Variants in TRIP4 observed in about 807,000 individuals in gnomAD.
TRIP4 encodes the protein activating signal cointegrator 1.
Under a neutral mutation model 81.8 loss-of-function variants are expected in TRIP4, and 54 were observed. That is an observed-to-expected ratio of 0.66 (90% confidence interval 0.53 to 0.83). The LOEUF is 0.83. Among genes scored for constraint, TRIP4 ranks in the 40% least tolerant of loss-of-function variants. TRIP4 has a pLI of 0.00. For missense variants in TRIP4, 662 were observed against 683.6 expected (o/e 0.97, Z 0.35); for synonymous variants, 270 against 242.8 (o/e 1.11, Z -1.04).
intron 12 of TRIP4, 30 bp downstream of exon 12, chr15:64,445,138 A>C: frequency 8.4e-7 from 1 of 1,195,494 alleles, no homozygotes; most frequent in East Asian, 2.3e-5. Flanking sequence ...CTTTAAGACT[A>C]GTCAAGTGCA....
chr15:64,396,442 C>G (rs1900298267), intron 3 of TRIP4, among the ~76,000 whole-genome samples: 1 of 151,800 alleles, frequency 6.6e-6, no homozygotes, highest in Non-Finnish European at 1.5e-5. Flanking sequence ...CCACACCCAG[C>G]TAATTTTTGT....
At chr15:64,426,469 G>C (rs1403345762) in intron 11 of TRIP4, among the ~76,000 whole-genome samples, 1 of 152,280 alleles carries the variant, frequency 6.6e-6, no homozygotes, top group African/African-American at 2.4e-5. Flanking sequence ...GGAAGCCAAA[G>C]CGGGTGGATC....
At chr15:64,404,164 T>A (rs1348964486) in intron 5 of TRIP4, among the ~76,000 whole-genome samples, 3 of 151,746 alleles carry the variant, frequency 2.0e-5, no homozygotes, top group Non-Finnish European at 4.4e-5. Context: ...CACTCCAGCC[T>A]GGGCAACGAG....
chr15:64,439,180 G>T (rs1892464461), intron 11 of TRIP4, among the ~76,000 whole-genome samples: 1 of 152,188 alleles, frequency 6.6e-6, no homozygotes, highest in Admixed American at 6.5e-5. Context: ...GCCTGGGGTG[G>T]TAGTTATCCT....
chr15:64,445,705 G>A (rs1185583012), intron 12 of TRIP4, among the ~76,000 whole-genome samples: 2 of 148,686 alleles, frequency 1.3e-5, no homozygotes, highest in African/African-American at 2.5e-5. Context: ...ATTGTGTTCT[G>A]TGTGTCCCTA....
chr15:64,402,772 C>A (rs1275297069), intron 5 of TRIP4, among the ~76,000 whole-genome samples: 1 of 152,116 alleles, frequency 6.6e-6, no homozygotes, highest in Non-Finnish European at 1.5e-5. Flanking sequence ...ATGATCTGCC[C>A]ACCTCAACCT....
At chr15:64,444,963 C>T (rs1892590895) in intron 11 of TRIP4, 43 bp from the exon 12 acceptor site, 1 of 1,071,292 alleles carries the variant, frequency 9.3e-7, no homozygotes, top group Non-Finnish European at 1.4e-6. Flanking sequence ...AAATTCAAAG[C>T]TTGTCCCAAC....
rs140334231 is a variant in TRIP4, at chr15:64,395,520, G to A, written c.394G>A (p.Asp132Asn). 1.7e-5 allele frequency: 28 copies of A among 1,610,186 alleles called. No individual in the cohort carries two copies. The highest frequency in any genetic ancestry group is 2.4e-5 in the Non-Finnish European group (28 of 1,177,950). ...DTTAEVKTPF[D>N]LAKAQENSNS... ...GACTGCAGAGGTTAAAACACCTTTT[G>A]ATTTGGCCAAGGTGAGTGCTTATAG... The change falls in exon 3 of 13, where the codon GAT becomes AAT. Residue 132 changes from aspartate to asparagine, a missense_variant. Physicochemically the swap from Asp to Asn is conservative, Grantham distance 23. Coordinates refer to ENST00000261884, the MANE Select transcript of TRIP4 (RefSeq NM_016213.5).
At chr15:64,397,112 CA>C (rs1167421779) in intron 3 of TRIP4, among the ~76,000 whole-genome samples, 1 of 152,076 alleles carries the variant, frequency 6.6e-6, no homozygotes, top group Non-Finnish European at 1.5e-5. Context: ...CTCTGTTGCC[CA>C]GTGGCGTCAA....
At chr15:64,427,798 A>C (rs1413793348) in intron 11 of TRIP4, among the ~76,000 whole-genome samples, 1 of 152,102 alleles carries the variant, frequency 6.6e-6, no homozygotes, top group Non-Finnish European at 1.5e-5. Flanking sequence ...TTTTGGTGTG[A>C]ATTTTGAGTT....
intron 1 of TRIP4, among the ~76,000 whole-genome samples, chr15:64,392,153 C>T (rs946720880): frequency 6.6e-6 from 1 of 151,216 alleles, no homozygotes; most frequent in Admixed American, 6.6e-5. Flanking sequence ...CAAAAATTAG[C>T]CGGGTGTGGT....
At chr15:64,422,449 A>C (rs747711668) in intron 9 of TRIP4, among the ~76,000 whole-genome samples, 47 of 152,152 alleles carry the variant, frequency 3.1e-4, no homozygotes, top group Non-Finnish European at 5.9e-4. Flanking sequence ...GGTGCACTAC[A>C]CCTTTTCTCC....
In TRIP4 at chr15:64,449,291, T is replaced by G. The variant is rs188423693; in HGVS notation, c.1678+4183T>G. On this transcript the variant is annotated intron_variant, in intron 12 of 12. Coordinates refer to ENST00000261884, the MANE Select transcript of TRIP4 (RefSeq NM_016213.5). The stretch of plus-strand genomic sequence containing the variant: ...TGTTTGTTTTTTTTGTTTGTTTTTG[T>G]TTTTTTTTTTTGTGGGATGTCTTAG... Among the ~76,000 whole-genome samples the G allele has an allele frequency of 6.6e-3, 914 of 137,774 alleles. 10 individuals are homozygous for G. Among genetic ancestry groups the G allele is most frequent in the African/African-American group, 0.021 (770 of 37,240 alleles). 90.4% of individuals were successfully genotyped at this position (137,774 alleles called of 152,430 possible). A position where few individuals can be genotyped will look rare whatever the true frequency, so the allele number is the denominator to read the frequency against.
Position 64,440,990 on chromosome 15 carries a change from A to T in TRIP4, c.1576-4016A>T, listed in dbSNP as rs914017725. 4.8e-5 allele frequency among the ~76,000 whole-genome samples: 7 copies of T among 144,872 alleles called. No individual in the cohort carries two copies. In the East Asian group the frequency reaches 1.2e-3, roughly 25 times the overall value. On this transcript the variant is annotated intron_variant, in intron 11 of 12. Transcript: ENST00000261884. ...CGTTAATGCACAAGTTGGTAAATTC[A>T]TTTTTTTTTTTTTTATTTTTGAGAC...
intron 11 of TRIP4, among the ~76,000 whole-genome samples, chr15:64,436,020 C>A (rs1436286577): frequency 1.3e-5 from 2 of 151,902 alleles, no homozygotes; most frequent in African/African-American, 2.4e-5. Context: ...TCAGGCTGGG[C>A]GGGGTGGCTC....
intron 12 of TRIP4, among the ~76,000 whole-genome samples, chr15:64,452,003 T>C (rs556403727): frequency 1.5e-4 from 23 of 149,356 alleles, no homozygotes; most frequent in African/African-American, 5.2e-4. Flanking sequence ...CTGTTGCCCA[T>C]GCTGGAGTGC....
intron 3 of TRIP4, among the ~76,000 whole-genome samples, chr15:64,395,860 T>C: frequency 6.6e-6 from 1 of 151,138 alleles, no homozygotes; most frequent in African/African-American, 2.4e-5. Context: ...CCTGCATCAG[T>C]CTCCCGAATA....
At chr15:64,437,549 C>T (rs1167589806) in intron 11 of TRIP4, among the ~76,000 whole-genome samples, 1 of 150,566 alleles carries the variant, frequency 6.6e-6, no homozygotes, top group African/African-American at 2.4e-5. Flanking sequence ...CTAGGGTGCA[C>T]TGGTGCGATC....
At chr15:64,448,956 T>C (rs1892691761) in intron 12 of TRIP4, among the ~76,000 whole-genome samples, 1 of 152,006 alleles carries the variant, frequency 6.6e-6, no homozygotes, top group African/African-American at 2.4e-5. Context: ...ATGTCTATAA[T>C]CCCAGCACTT....
Sources: allele counts gnomAD v4.1 joint callset (sites outside exome capture counted in the v4.1 genomes callset), GRCh38; gene constraint gnomAD v4.1.1; transcripts MANE v1.5; gene names NCBI Gene and HGNC (gene_info 2026-07-23, HGNC 2026-07-21).